CREBRF: variants seen among roughly 807,000 people sequenced by gnomAD.
The protein encoded by CREBRF is CREB3 regulatory factor, also known as UPF0474 protein C5orf41.
In CREBRF, 5 loss-of-function variants were observed where a neutral mutation model predicts 66.1. The observed-to-expected ratio is 0.08, with a 90% CI of 0.04 to 0.16. The LOEUF (loss-of-function observed/expected upper bound fraction) is 0.16. CREBRF is among the 10% of genes least tolerant of loss of function. The pLI is 1.00. For missense variants in CREBRF, 531 were observed against 744.9 expected (o/e 0.71, Z 3.34); for synonymous variants, 229 against 264.4 (o/e 0.87, Z 1.30).
intron 7 of CREBRF, among the ~76,000 whole-genome samples, chr5:173,120,625 C>T (rs1020453098): frequency 6.7e-6 from 1 of 150,294 alleles, no homozygotes; most frequent in Non-Finnish European, 1.5e-5. Context: ...AAGTGATCCA[C>T]CCATCTCGGC....
rs1333902863 is a variant in CREBRF at position 173,137,149 on chromosome 5, G to T, written c.*3404G>T. 26 of 151,906 alleles carry T rather than the reference G, an allele frequency of 1.7e-4. 1 individual carries two copies. Among genetic ancestry groups the T allele is most frequent in the Admixed American group, 1.6e-3 (25 of 15,236 alleles). 9.4% of individuals were successfully genotyped at this position (151,906 alleles called of 1,614,324 possible). On this transcript the variant is annotated 3_prime_UTR_variant, in exon 9 of 9. Coordinates refer to ENST00000296953, the MANE Select transcript of CREBRF (RefSeq NM_153607.3). The stretch of plus-strand genomic sequence containing the variant: ...TTCTACTGTACCATGTATGATTCTT[G>T]TCCTTTCCTATATCCTTCATGACAG...
At chr5:173,113,929 C>T (rs1003546456) in intron 7 of CREBRF, among the ~76,000 whole-genome samples, 6 of 152,142 alleles carry the variant, frequency 3.9e-5, no homozygotes, top group Non-Finnish European at 7.3e-5. Context: ...TATTCCTTTG[C>T]CTCAAAAATT....
At chr5:173,102,563 C>CAAA (rs1447074749) in intron 4 of CREBRF, among the ~76,000 whole-genome samples, 1 of 152,110 alleles carries the variant, frequency 6.6e-6, no homozygotes, top group Non-Finnish European at 1.5e-5. Context: ...GAGCCTGGAT[C>CAAA]ATTTGGGGTC....
intron 1 of CREBRF, among the ~76,000 whole-genome samples, chr5:173,062,417 G>T (rs1757297708): frequency 6.6e-6 from 1 of 152,132 alleles, no homozygotes; most frequent in African/African-American, 2.4e-5. Flanking sequence ...GCTTTTCTTA[G>T]TTAGAAAGGA....
At chr5:173,133,507 A>G (rs1759520713) in intron 8 of CREBRF, 123 bp from the exon 9 acceptor site, 1 of 507,298 alleles carries the variant, frequency 2.0e-6, no homozygotes, top group South Asian at 3.1e-5. Flanking sequence ...GTGCCAGGGA[A>G]TTCATTTGGG....
At chr5:173,083,752 A>G (rs940293797) in intron 2 of CREBRF, among the ~76,000 whole-genome samples, 1 of 152,250 alleles carries the variant, frequency 6.6e-6, no homozygotes, top group African/African-American at 2.4e-5. Flanking sequence ...AAGAAATGTT[A>G]TACAGCTAAG....
At chr5:173,082,791 C>T (rs1008636796) in intron 2 of CREBRF, among the ~76,000 whole-genome samples, 2 of 151,128 alleles carry the variant, frequency 1.3e-5, no homozygotes, top group African/African-American at 2.4e-5. Context: ...TACCTGTAGT[C>T]CCAGCTACTC....
intron 4 of CREBRF, among the ~76,000 whole-genome samples, chr5:173,104,523 T>C (rs1259946742): frequency 6.6e-6 from 1 of 151,986 alleles, no homozygotes; most frequent in Non-Finnish European, 1.5e-5. Context: ...CTACAAAAAA[T>C]ACAAAAATTA....
intron 1 of CREBRF, among the ~76,000 whole-genome samples, chr5:173,074,811 G>C (rs905872841): frequency 2.0e-5 from 3 of 151,854 alleles, no homozygotes; most frequent in African/African-American, 4.8e-5. Context: ...TTAGTAGAGG[G>C]GGTTTCGCCA....
At chr5:173,063,400 C>T (rs969531861) in intron 1 of CREBRF, among the ~76,000 whole-genome samples, 3 of 152,180 alleles carry the variant, frequency 2.0e-5, no homozygotes, top group Admixed American at 6.5e-5. Flanking sequence ...CAGAGTCTCA[C>T]GCTGTTGCCC....
chr5:173,106,329 T>A (rs774027844), intron 4 of CREBRF, among the ~76,000 whole-genome samples: 1 of 151,780 alleles, frequency 6.6e-6, no homozygotes, highest in Non-Finnish European at 1.5e-5. Context: ...ACTCAGGAAG[T>A]TGAGGCAGGA....
chr5:173,115,738 G>A (rs1345195270), intron 7 of CREBRF, among the ~76,000 whole-genome samples: 1 of 152,048 alleles, frequency 6.6e-6, no homozygotes, highest in East Asian at 1.9e-4. Flanking sequence ...CCCAGTAGCT[G>A]GGACTACAGG....
Position 173,139,095 on chromosome 5 carries a change from C to G in CREBRF, c.*5350C>G, listed in dbSNP as rs775807225. Reference sequence around the variant, plus strand: ...GAACTTTATCTTGTTGACGCATGAGCTGTTTAAAAATTATCCTATTAAATG... The same window carrying G: ...GAACTTTATCTTGTTGACGCATGAGGTGTTTAAAAATTATCCTATTAAATG... On this transcript the variant is annotated 3_prime_UTR_variant, in exon 9 of 9. Transcript: ENST00000296953. 4.0e-5 allele frequency: 6 copies of G among 151,854 alleles called. No homozygotes were observed. Among genetic ancestry groups the G allele is most frequent in the Non-Finnish European group, 7.4e-5 (5 of 67,998 alleles). The allele number at this position is 151,854 out of a possible 1,614,324, so 9.4% of individuals were successfully genotyped here.
chr5:173,068,885 A>G (rs1274652150), intron 1 of CREBRF, among the ~76,000 whole-genome samples: 1 of 151,790 alleles, frequency 6.6e-6, no homozygotes, highest in East Asian at 1.9e-4. Context: ...CCTGGGCAAC[A>G]TGGTGAAACC....
intron 1 of CREBRF, among the ~76,000 whole-genome samples, chr5:173,059,110 T>A (rs541887174): frequency 6.6e-6 from 1 of 152,060 alleles, no homozygotes; most frequent in African/African-American, 2.4e-5. Context: ...ATTCATCAAT[T>A]TTTGTAGTAC....
At chr5:173,122,216 C>T (rs1427867055) in intron 7 of CREBRF, among the ~76,000 whole-genome samples, 2 of 152,162 alleles carry the variant, frequency 1.3e-5, no homozygotes, top group East Asian at 3.9e-4. Flanking sequence ...ATTCTCCTGC[C>T]TCAGCCTCTG....
chr5:173,066,643 A>G (rs1757443595), intron 1 of CREBRF, among the ~76,000 whole-genome samples: 1 of 151,358 alleles, frequency 6.6e-6, no homozygotes, highest in Admixed American at 6.6e-5. Context: ...GTTCTCCTGC[A>G]CTCGCCCTTG....
chr5:173,130,456 A>G (rs1404672493), intron 8 of CREBRF, among the ~76,000 whole-genome samples: 3 of 151,812 alleles, frequency 2.0e-5, no homozygotes, highest in Non-Finnish European at 2.9e-5. Flanking sequence ...AGGAGAAAGA[A>G]TTGTACGATG....
chr5:173,058,786 CTTTTTTTTTT>C lies in CREBRF; in HGVS notation c.-192+2325_-192+2334del, dbSNP rs70984932. On this transcript the variant is annotated intron_variant, in intron 1 of 8. Coordinates refer to ENST00000296953, the MANE Select transcript of CREBRF (RefSeq NM_153607.3). ...AGGCGTGAGCCACCGCGCCCAGCCT[CTTTTTTTTTT>C]TTTTTTTTTTTTTTTTTAAGACGGA... 8.8e-3 allele frequency among the ~76,000 whole-genome samples: 562 copies of C among 64,098 alleles called. 8 individuals are homozygous for C. Among genetic ancestry groups the C allele is most frequent in the African/African-American group, 0.026 (467 of 17,956 alleles). The allele number at this position is 64,098 out of a possible 152,430, so 42.1% of individuals were successfully genotyped here.
Sources: allele counts gnomAD v4.1 joint callset (sites outside exome capture counted in the v4.1 genomes callset), GRCh38; gene constraint gnomAD v4.1.1; transcripts MANE v1.5; gene names NCBI Gene and HGNC (gene_info 2026-07-23, HGNC 2026-07-21).